The following NRXN1 variants were observed in gnomAD, a reference collection of about 807,000 sequenced individuals.
The protein encoded by NRXN1 is neurexin-1.
Under a neutral mutation model 150.9 loss-of-function variants are expected in NRXN1, and 39 were observed. That is an observed-to-expected ratio of 0.26 (90% CI 0.20 to 0.34). NRXN1 has a LOEUF of 0.34. Ranked by LOEUF, NRXN1 falls within the 10% of genes least tolerant of loss-of-function variation. NRXN1 has a pLI of 1.00. For synonymous variants in NRXN1, 924 were observed against 757.0 expected (o/e 1.22, Z -3.62); for missense variants, 1,815 against 1,949.9 (o/e 0.93, Z 1.30).
In NRXN1 at chr2:50,463,357, G is replaced by A. The variant is rs2088453236; in HGVS notation, c.3364+2085C>T. Among the ~76,000 whole-genome samples the A allele has an allele frequency of 2.0e-5, 3 of 151,898 alleles. No homozygotes were observed. The South Asian group carries it at 6.2e-4, about 32-fold the overall frequency. Reference sequence around the variant, plus strand: ...CTTTTGAATATTGATTTGTACCTATGTATTCTCACCACTGAAACTCCAACG... The same window carrying A: ...CTTTTGAATATTGATTTGTACCTATATATTCTCACCACTGAAACTCCAACG... On this transcript the variant is annotated intron_variant, in intron 17 of 22. Transcript: ENST00000401669.
chr2:50,430,349 C>A (rs1186894660), intron 17 of NRXN1, among the ~76,000 whole-genome samples: 1 of 152,078 alleles, frequency 6.6e-6, no homozygotes, highest in Admixed American at 6.6e-5. Flanking sequence ...AAACAGCAAG[C>A]CAATTTGTGC....
chr2:50,462,175 A>C (rs889411592), intron 17 of NRXN1, among the ~76,000 whole-genome samples: 1 of 151,918 alleles, frequency 6.6e-6, no homozygotes, highest in African/African-American at 2.4e-5. Context: ...AGCATGCTAT[A>C]AAAACACTGG....
At chr2:50,604,540 TA>T (rs1370222690) in intron 8 of NRXN1, among the ~76,000 whole-genome samples, 3 of 152,188 alleles carry the variant, frequency 2.0e-5, no homozygotes, top group Admixed American at 2.0e-4. Context: ...AGATATACCC[TA>T]AACACATCAT....
chr2:50,091,193 C>T (rs774106937), intron 19 of NRXN1, 130 bp downstream of exon 19: 7 of 1,044,742 alleles, frequency 6.7e-6, no homozygotes, highest in Admixed American at 3.4e-5. Flanking sequence ...ATTCACATGA[C>T]TCTAAAGTCC....
chr2:50,109,425 C>T (rs995400043), intron 18 of NRXN1, among the ~76,000 whole-genome samples: 8 of 151,972 alleles, frequency 5.3e-5, no homozygotes, highest in Non-Finnish European at 7.4e-5. Context: ...CACTGCTCAG[C>T]CACAAATTGA....
Position 49,922,101 on chromosome 2 carries a change from C to T in NRXN1, c.4367G>A (p.Arg1456Lys). ...LILLYAMYKY[R>K]NRDEGSYHVD... Reference sequence around the variant, plus strand: ...ATGGTATGAGCCTTCATCCCGGTTTCTGTACTTGTACATGGCATAGAGGAG... The same window carrying T: ...ATGGTATGAGCCTTCATCCCGGTTTTTGTACTTGTACATGGCATAGAGGAG... Residue 1456 changes from arginine to lysine, a missense_variant, in exon 23 of 23, where the codon AGA (arginine) becomes AAA (lysine). Physicochemically the swap from Arg to Lys is conservative, Grantham distance 26 (BLOSUM62 2). Coordinates refer to ENST00000401669, the MANE Select transcript of NRXN1 (RefSeq NM_001330078.2). 1 of 1,614,140 alleles carries T rather than the reference C, an allele frequency of 6.2e-7. No homozygotes were observed. Among genetic ancestry groups the T allele is most frequent in the Non-Finnish European group, 8.5e-7 (1 of 1,180,032 alleles).
intron 12 of NRXN1, 43 bp from the exon 13 acceptor site, chr2:50,506,660 G>A: frequency 2.5e-6 from 4 of 1,601,744 alleles, no homozygotes; most frequent in Non-Finnish European, 3.4e-6. Flanking sequence ...CTCAGAATCA[G>A]TCAAGCAAAT....
chr2:50,728,904 C>T (rs1462757489), intron 5 of NRXN1, among the ~76,000 whole-genome samples: 3 of 152,142 alleles, frequency 2.0e-5, no homozygotes, highest in Admixed American at 2.0e-4. Flanking sequence ...CCCAAAGAGT[C>T]TTGAGTGCAT....
intron 21 of NRXN1, among the ~76,000 whole-genome samples, chr2:50,042,087 C>A (rs1254388500): frequency 6.6e-6 from 1 of 152,182 alleles, no homozygotes; most frequent in East Asian, 1.9e-4. Context: ...TTTTAAAAAA[C>A]CAAACAACTG....
At chr2:50,335,335 C>A (rs368532621) in intron 17 of NRXN1, among the ~76,000 whole-genome samples, 49 of 152,194 alleles carry the variant, frequency 3.2e-4, no homozygotes, top group African/African-American at 1.2e-3. Flanking sequence ...ATCAAAATGG[C>A]CACAGTAAAG....
intron 8 of NRXN1, among the ~76,000 whole-genome samples, chr2:50,591,405 TA>T (rs1229574137): frequency 1.5e-5 from 2 of 135,250 alleles, no homozygotes; most frequent in South Asian, 4.9e-4. Context: ...GATAGATAGA[TA>T]GATAGATAGA....
chr2:50,598,956 G>A (rs958802539), intron 8 of NRXN1, among the ~76,000 whole-genome samples: 1 of 151,758 alleles, frequency 6.6e-6, no homozygotes, highest in African/African-American at 2.4e-5. Flanking sequence ...ACTTTTAGCA[G>A]AGACAGGGTT....
At chr2:50,463,771 G>T (rs1157297643) in intron 17 of NRXN1, among the ~76,000 whole-genome samples, 1 of 151,728 alleles carries the variant, frequency 6.6e-6, no homozygotes, top group South Asian at 2.1e-4. Flanking sequence ...GCAACTGTAT[G>T]TAAAACATGG....
chr2:50,455,352 G>A (rs904205906), intron 17 of NRXN1, among the ~76,000 whole-genome samples: 1 of 152,126 alleles, frequency 6.6e-6, no homozygotes, highest in Non-Finnish European at 1.5e-5. Context: ...AGATACCGTA[G>A]GCACTGAATG....
intron 5 of NRXN1, among the ~76,000 whole-genome samples, chr2:50,882,386 G>A (rs1428171073): frequency 1.3e-5 from 2 of 151,736 alleles, no homozygotes; most frequent in Admixed American, 6.6e-5. Context: ...TATTTTCCAT[G>A]CATTATCTCT....
intron 17 of NRXN1, among the ~76,000 whole-genome samples, chr2:50,296,871 T>C (rs2073636428): frequency 7.5e-6 from 1 of 132,726 alleles, no homozygotes; most frequent in East Asian, 2.5e-4. Flanking sequence ...AAGACACAGT[T>C]TCTTTCTTTC....
chr2:51,032,117 T>G lies in NRXN1; in HGVS notation c.-1058A>C, dbSNP rs1441230825. ...AGGCTTGAGCGTCTATCTCCAGGAG[T>G]GCGGGAGGGGAGAACAGGCAACGGA... On this transcript the variant is annotated 5_prime_UTR_variant, in exon 1 of 23. Transcript: ENST00000401669. The G allele has an allele frequency of 2.7e-5, 4 of 148,528 alleles. No individual in the cohort carries two copies. Among genetic ancestry groups the G allele is most frequent in the African/African-American group, 1.0e-4 (4 of 39,654 alleles). The allele number at this position is 148,528 out of a possible 1,614,324, so 9.2% of individuals were successfully genotyped here.
At chr2:50,576,713 C>T (rs1671495175) in intron 8 of NRXN1, among the ~76,000 whole-genome samples, 1 of 152,018 alleles carries the variant, frequency 6.6e-6, no homozygotes, top group African/African-American at 2.4e-5. Context: ...TGAATTTGTT[C>T]GTATCCAGCT....
intron 17 of NRXN1, among the ~76,000 whole-genome samples, chr2:50,288,910 G>C (rs2072545222): frequency 6.6e-6 from 1 of 152,108 alleles, no homozygotes; most frequent in South Asian, 2.1e-4. Context: ...TGGTTGAAAT[G>C]AGACGAAAAG....
Sources: gnomAD v4.1 joint callset for allele counts (sites outside exome capture counted in the v4.1 genomes callset) on GRCh38, gnomAD v4.1.1 for gene constraint, MANE v1.5 for transcripts, NCBI Gene and HGNC (gene_info 2026-07-23, HGNC 2026-07-21) for gene names.